MBD5: variants seen among roughly 807,000 people sequenced by gnomAD.
MBD5 encodes the protein methyl-CpG binding domain protein 5.
A neutral mutation model predicts 117.3 loss-of-function variants in MBD5; 13 were observed. That is an observed-to-expected ratio of 0.11 (90% CI 0.07 to 0.18). The LOEUF (loss-of-function observed/expected upper bound fraction) is 0.18. MBD5 is among the 10% of genes least tolerant of loss of function. MBD5 has a pLI of 1.00. For synonymous variants in MBD5, 727 were observed against 766.4 expected (o/e 0.95, Z 0.85); for missense variants, 1,879 against 2,093.8 (o/e 0.90, Z 2.00).
chr2:148,138,534 A>C lies in MBD5; in HGVS notation c.-924-40166A>C, dbSNP rs188671113. ...ACTTATACTTGTATAGAAGAATGTC[A>C]CCTCGGGAAAGATAATGGAGAAATT... On this transcript the variant is annotated intron_variant, in intron 1 of 13. Transcript: ENST00000642680. 4.8e-3 allele frequency among the ~76,000 whole-genome samples: 732 copies of C among 152,320 alleles called. 1 individual carries two copies. The highest frequency in any genetic ancestry group is 8.9e-3 in the Non-Finnish European group (602 of 68,016).
At chr2:148,213,236 G>A (rs1699474197) in intron 2 of MBD5, among the ~76,000 whole-genome samples, 1 of 151,948 alleles carries the variant, frequency 6.6e-6, no homozygotes, top group South Asian at 2.1e-4. Flanking sequence ...GTTCCTCAAT[G>A]TTTCTTAGGA....
chr2:148,300,499 GA>G (rs930785023), intron 3 of MBD5, among the ~76,000 whole-genome samples: 31 of 142,922 alleles, frequency 2.2e-4, no homozygotes, highest in South Asian at 6.6e-4. Context: ...AAAGAAGAAA[GA>G]AAAAAAAAAA....
intron 1 of MBD5, among the ~76,000 whole-genome samples, chr2:148,159,638 G>T (rs1284740817): frequency 1.3e-5 from 2 of 151,962 alleles, no homozygotes; most frequent in Non-Finnish European, 2.9e-5. Context: ...TTTCTCATAG[G>T]TATAGCATTA....
intron 7 of MBD5, among the ~76,000 whole-genome samples, chr2:148,465,552 C>G (rs1707234990): frequency 6.6e-6 from 1 of 152,044 alleles, no homozygotes. Context: ...TCAGAGAAAG[C>G]TTTATGGCAG....
chr2:148,031,280 A>T (rs899579624), intron 1 of MBD5, among the ~76,000 whole-genome samples: 4 of 152,196 alleles, frequency 2.6e-5, no homozygotes, highest in Non-Finnish European at 5.9e-5. Context: ...CATGTACTTG[A>T]AAAACACTTT....
intron 2 of MBD5, among the ~76,000 whole-genome samples, chr2:148,217,548 G>A (rs565334257): frequency 6.6e-6 from 1 of 152,178 alleles, no homozygotes; most frequent in Non-Finnish European, 1.5e-5. Context: ...TCACACTATG[G>A]AATGTTCCAA....
chr2:148,418,762 T>C (rs902369151), intron 4 of MBD5, among the ~76,000 whole-genome samples: 1 of 152,130 alleles, frequency 6.6e-6, no homozygotes. Flanking sequence ...TGTTCATGAA[T>C]TGGAAAAAAC....
chr2:148,043,730 G>A (rs1194389237), intron 1 of MBD5, among the ~76,000 whole-genome samples: 1 of 152,146 alleles, frequency 6.6e-6, no homozygotes, highest in African/African-American at 2.4e-5. Context: ...AAAGATATTT[G>A]TGCTGGGTTG....
chr2:148,333,394 C>G (rs1263501907), intron 3 of MBD5, among the ~76,000 whole-genome samples: 2 of 152,114 alleles, frequency 1.3e-5, no homozygotes, highest in Non-Finnish European at 1.5e-5. Context: ...GTTAGATTCA[C>G]CAAAGAAGAA....
chr2:148,117,646 T>A (rs1273285758), intron 1 of MBD5, among the ~76,000 whole-genome samples: 3 of 152,008 alleles, frequency 2.0e-5, no homozygotes, highest in Non-Finnish European at 4.4e-5. Flanking sequence ...GGAGAAAAAA[T>A]TTGCCTGTGT....
intron 1 of MBD5, among the ~76,000 whole-genome samples, chr2:148,110,046 G>A (rs1372724419): frequency 6.6e-6 from 1 of 151,968 alleles, no homozygotes; most frequent in African/African-American, 2.4e-5. Flanking sequence ...TTACTTTGTT[G>A]TCATTTACTA....
chr2:148,319,569 C>T (rs772859837), intron 3 of MBD5, among the ~76,000 whole-genome samples: 2 of 152,136 alleles, frequency 1.3e-5, no homozygotes, highest in African/African-American at 2.4e-5. Flanking sequence ...ATTATTGGCA[C>T]ATAGAAATGC....
chr2:148,354,347 T>C (rs960788345), intron 4 of MBD5, among the ~76,000 whole-genome samples: 1 of 152,064 alleles, frequency 6.6e-6, no homozygotes, highest in Admixed American at 6.6e-5. Context: ...CTCACACTTA[T>C]GAGTGAGAAC....
At chr2:148,325,829 A>G (rs892764719) in intron 3 of MBD5, among the ~76,000 whole-genome samples, 2 of 151,592 alleles carry the variant, frequency 1.3e-5, no homozygotes, top group Non-Finnish European at 2.9e-5. Context: ...TTGTGTCCCT[A>G]TTTCCTTCAG....
chr2:148,048,610 G>A (rs1005443583), intron 1 of MBD5, among the ~76,000 whole-genome samples: 1 of 152,136 alleles, frequency 6.6e-6, no homozygotes, highest in African/African-American at 2.4e-5. Context: ...TTTGGAGTTG[G>A]AGAGTAGAGA....
In MBD5 at chr2:148,231,960, T is replaced by A. The variant is rs372771254; in HGVS notation, c.-830-1285T>A. 1.2e-4 allele frequency among the ~76,000 whole-genome samples: 18 copies of A among 152,312 alleles called. 2 individuals carry two copies. The highest frequency in any genetic ancestry group is 4.3e-4 in the African/African-American group (18 of 41,574). The stretch of plus-strand genomic sequence containing the variant: ...GGGTAAAAGTTGGAGGCGGAGGTTT[T>A]TTAGCTAGACTGGTGAGAGAATCCT... On this transcript the variant is annotated intron_variant, in intron 2 of 13. Transcript: ENST00000642680.
At chr2:148,163,010 A>G (rs565259460) in intron 1 of MBD5, among the ~76,000 whole-genome samples, 1 of 152,336 alleles carries the variant, frequency 6.6e-6, no homozygotes, top group East Asian at 1.9e-4. Flanking sequence ...AAGTATTAAG[A>G]CAATCCACTT....
At chr2:148,174,661 A>G (rs1172345088) in intron 1 of MBD5, among the ~76,000 whole-genome samples, 1 of 152,122 alleles carries the variant, frequency 6.6e-6, no homozygotes, top group South Asian at 2.1e-4. Context: ...CATTTCTCAA[A>G]AAAAGGCATC....
At chr2:148,052,211 T>G (rs796571833) in intron 1 of MBD5, among the ~76,000 whole-genome samples, 2 of 135,352 alleles carry the variant, frequency 1.5e-5, no homozygotes, top group African/African-American at 2.7e-5. Flanking sequence ...ATTGAGTTTT[T>G]TTTTTTTTTT....
Sources: allele counts gnomAD v4.1 joint callset (sites outside exome capture counted in the v4.1 genomes callset), GRCh38; gene constraint gnomAD v4.1.1; transcripts MANE v1.5; gene names NCBI Gene and HGNC (gene_info 2026-07-23, HGNC 2026-07-21).